Variants in CNTNAP2 observed in about 807,000 individuals in gnomAD.
The protein encoded by CNTNAP2 is contactin associated protein 2.
CNTNAP2 carries 98 observed loss-of-function variants against 155.2 expected under a neutral mutation model. The observed-to-expected ratio is 0.63, with a 90% CI of 0.54 to 0.75. The LOEUF (loss-of-function observed/expected upper bound fraction) is 0.75, where lower values mean the gene tolerates loss of function less well. Among genes scored for constraint, CNTNAP2 ranks in the 30% least tolerant of loss-of-function variants. The pLI is 0.00. For synonymous variants in CNTNAP2, 651 were observed against 631.2 expected (o/e 1.03, Z -0.47); for missense variants, 1,727 against 1,688.1 (o/e 1.02, Z -0.40).
At chr7:147,924,376 T>G (rs1399690432) in intron 14 of CNTNAP2, among the ~76,000 whole-genome samples, 1 of 152,038 alleles carries the variant, frequency 6.6e-6, no homozygotes, top group East Asian at 1.9e-4. Context: ...TGACCTCAGG[T>G]GATTCGCCTG....
chr7:146,801,314 C>G (rs1802873514), intron 2 of CNTNAP2, among the ~76,000 whole-genome samples: 1 of 152,180 alleles, frequency 6.6e-6, no homozygotes, highest in Admixed American at 6.5e-5. Context: ...CCAAACATCT[C>G]TCACTAGACG....
At chr7:147,150,193 A>G (rs1801797294) in intron 8 of CNTNAP2, among the ~76,000 whole-genome samples, 1 of 152,144 alleles carries the variant, frequency 6.6e-6, no homozygotes, top group African/African-American at 2.4e-5. Flanking sequence ...TTGGTATTGG[A>G]AGCCATAGAT....
intron 1 of CNTNAP2, among the ~76,000 whole-genome samples, chr7:146,225,280 T>C (rs73162134): frequency 1.9e-4 from 29 of 152,186 alleles, no homozygotes; most frequent in Non-Finnish European, 4.1e-4. Context: ...TAAAGGCAAA[T>C]AAAGACAATC....
chr7:147,250,065 C>T (rs896839996), intron 8 of CNTNAP2, among the ~76,000 whole-genome samples: 2 of 152,148 alleles, frequency 1.3e-5, no homozygotes, highest in Non-Finnish European at 2.9e-5. Flanking sequence ...ATTCTAATAC[C>T]AGACCATAGC....
intron 15 of CNTNAP2, among the ~76,000 whole-genome samples, chr7:148,061,765 A>G (rs2056733468): frequency 6.6e-6 from 1 of 152,058 alleles, no homozygotes; most frequent in South Asian, 2.1e-4. Flanking sequence ...ACTAAACAAT[A>G]TAAGACAATA....
chr7:147,849,223 C>T (rs1323610704), intron 13 of CNTNAP2, among the ~76,000 whole-genome samples: 1 of 152,154 alleles, frequency 6.6e-6, no homozygotes, highest in Non-Finnish European at 1.5e-5. Flanking sequence ...ATGAAAATAT[C>T]TCAAGGCCAA....
intron 1 of CNTNAP2, among the ~76,000 whole-genome samples, chr7:146,370,047 T>G (rs1201626756): frequency 2.6e-5 from 4 of 152,018 alleles, no homozygotes; most frequent in African/African-American, 9.7e-5. Context: ...TAACTTTACT[T>G]TGATTTTGTT....
chr7:147,249,856 T>A lies in CNTNAP2; in HGVS notation c.1349-50285T>A, dbSNP rs1341830109. Among the ~76,000 whole-genome samples the A allele has an allele frequency of 2.0e-5, 3 of 152,154 alleles. No homozygotes were observed. In the East Asian group the frequency reaches 5.8e-4, roughly 29 times the overall value. On this transcript the variant is annotated intron_variant, in intron 8 of 23. Coordinates refer to ENST00000361727, the MANE Select transcript of CNTNAP2 (RefSeq NM_014141.6). ...GGCTCCGTTTCTGAAAAGCTCTCCC[T>A]CTGCCCTTCTTTCTTTTTCTCTGCA...
chr7:146,833,001 C>G (rs967055039), intron 2 of CNTNAP2, among the ~76,000 whole-genome samples: 1 of 152,060 alleles, frequency 6.6e-6, no homozygotes, highest in Non-Finnish European at 1.5e-5. Flanking sequence ...CAGCTTAGCT[C>G]ACTAATTATT....
intron 1 of CNTNAP2, among the ~76,000 whole-genome samples, chr7:146,642,025 TGAA>T (rs1799717099): frequency 6.6e-6 from 1 of 152,156 alleles, no homozygotes; most frequent in South Asian, 2.1e-4. Flanking sequence ...TATGTATAAT[TGAA>T]GAGAACTTTT....
intron 21 of CNTNAP2, among the ~76,000 whole-genome samples, chr7:148,300,043 G>A (rs1262473730): frequency 6.6e-6 from 1 of 152,182 alleles, no homozygotes. Context: ...GTTGAACAGG[G>A]ATAACGGATT....
At chr7:147,530,183 G>A (rs1357660775) in intron 11 of CNTNAP2, among the ~76,000 whole-genome samples, 1 of 120,690 alleles carries the variant, frequency 8.3e-6, no homozygotes, top group East Asian at 2.3e-4. Context: ...AAGGCAAAAG[G>A]CACTTTTTTT....
intron 15 of CNTNAP2, among the ~76,000 whole-genome samples, chr7:148,009,330 A>G (rs1367272242): frequency 6.6e-6 from 1 of 152,198 alleles, no homozygotes; most frequent in African/African-American, 2.4e-5. Context: ...ACAGGTACTC[A>G]AAGTACAGCG....
At chr7:146,213,211 G>A (rs73739554) in intron 1 of CNTNAP2, among the ~76,000 whole-genome samples, 4,574 of 152,168 alleles carry the variant, frequency 0.03, 233 homozygotes, top group African/African-American at 0.11. Flanking sequence ...TTCAATACAT[G>A]TCCAATTCTG....
chr7:148,296,340 A>T (rs1261181458), intron 21 of CNTNAP2, among the ~76,000 whole-genome samples: 2 of 151,954 alleles, frequency 1.3e-5, no homozygotes, highest in African/African-American at 2.4e-5. Context: ...GTTTGAGACC[A>T]GCCTGGGCAA....
intron 11 of CNTNAP2, among the ~76,000 whole-genome samples, chr7:147,540,829 C>CAAA (rs58625166): frequency 1.7e-4 from 25 of 147,216 alleles, no homozygotes; most frequent in East Asian, 6.0e-4. Context: ...GACTCTGTCT[C>CAAA]AAAAAAAAAA....
At chr7:147,056,952 A>G (rs943399357) in intron 4 of CNTNAP2, among the ~76,000 whole-genome samples, 4 of 150,762 alleles carry the variant, frequency 2.7e-5, no homozygotes, top group African/African-American at 9.8e-5. Flanking sequence ...TTTTATTTAT[A>G]TTTTTGTAGA....
chr7:147,878,459 T>C (rs575037364), intron 13 of CNTNAP2, among the ~76,000 whole-genome samples: 1 of 152,024 alleles, frequency 6.6e-6, no homozygotes, highest in Non-Finnish European at 1.5e-5. Flanking sequence ...TTTTGAGATG[T>C]CTTTGTATTC....
intron 1 of CNTNAP2, among the ~76,000 whole-genome samples, chr7:146,738,089 C>T (rs1801651222): frequency 1.3e-5 from 2 of 152,040 alleles, no homozygotes; most frequent in Non-Finnish European, 2.9e-5. Flanking sequence ...GTTGAGGAGC[C>T]TCCATCCTGT....
Sources: allele counts gnomAD v4.1 joint callset (sites outside exome capture counted in the v4.1 genomes callset), GRCh38; gene constraint gnomAD v4.1.1; transcripts MANE v1.5; gene names NCBI Gene and HGNC (gene_info 2026-07-23, HGNC 2026-07-21).